Variants in MICAL2 observed in about 807,000 individuals in gnomAD.
MICAL2 encodes microtubule associated monooxygenase, calponin and LIM domain containing 2, also known as [F-actin]-monooxygenase MICAL2.
MICAL2 carries 77 observed loss-of-function variants against 127.3 expected under a neutral mutation model. The observed-to-expected ratio is 0.60, with a 90% CI of 0.50 to 0.73. MICAL2 has a LOEUF of 0.73. Among genes scored for constraint, MICAL2 ranks in the 30% least tolerant of loss-of-function variants. The pLI is 0.00. For missense variants in MICAL2, 1,351 were observed against 1,434.4 expected (o/e 0.94, Z 0.94); for synonymous variants, 570 against 551.1 (o/e 1.03, Z -0.48).
intron 27 of MICAL2, chr11:12,262,742 C>G (rs1863301456): frequency 1.8e-6 from 1 of 555,076 alleles, no homozygotes; most frequent in Non-Finnish European, 3.2e-6. Flanking sequence ...TCCCATGGAG[C>G]TGGCAGCCTG....
chr11:12,145,567 C>T (rs1455199924), intron 2 of MICAL2, among the ~76,000 whole-genome samples: 1 of 152,206 alleles, frequency 6.6e-6, no homozygotes, highest in Admixed American at 6.5e-5. Flanking sequence ...CCAGGAACCT[C>T]ATGATGGGGC....
chr11:12,337,159 A>G (rs1260899379), intron 32 of MICAL2, among the ~76,000 whole-genome samples: 1 of 152,098 alleles, frequency 6.6e-6, no homozygotes, highest in South Asian at 2.1e-4. Context: ...CAGAGATTCA[A>G]CTTCTTCCTG....
chr11:12,206,807 T>A (rs1854747022), intron 4 of MICAL2, among the ~76,000 whole-genome samples: 1 of 152,126 alleles, frequency 6.6e-6, no homozygotes, highest in Non-Finnish European at 1.5e-5. Flanking sequence ...TCATGCCAGA[T>A]CACAGCTTAT....
chr11:12,295,183 A>G (rs1168271268), downstream of MICAL2, among the ~76,000 whole-genome samples: 7 of 151,046 alleles, frequency 4.6e-5, no homozygotes, highest in East Asian at 9.8e-4. Context: ...TCTATCACCC[A>G]GGCTGGAGTG....
Position 12,222,734 on chromosome 11 carries a change from G to A in MICAL2, c.1440G>A (p.Arg480=), listed in dbSNP as rs758163870. ...RYPNLNSHCV[R]PHQVKHLYIT... ...CAAACCTCAACTCACACTGTGTCAG[G>A]CCCCATCAGGCAAGTCCATTGCTGG... The change falls in exon 11 of 28, where the codon AGG becomes AGA. Residue 480 remains arginine, a synonymous_variant. Coordinates refer to ENST00000683283, the MANE Select transcript of MICAL2 (RefSeq NM_001282663.2). The A allele has an allele frequency of 6.2e-7, 1 of 1,614,144 alleles. No homozygotes were observed.
intron 3 of MICAL2, among the ~76,000 whole-genome samples, chr11:12,180,148 C>T (rs914085914): frequency 8.6e-5 from 13 of 151,950 alleles, no homozygotes; most frequent in African/African-American, 2.7e-4. Flanking sequence ...TAGCAAAGAC[C>T]GTGACTACCT....
intron 4 of MICAL2, among the ~76,000 whole-genome samples, chr11:12,207,514 T>A (rs1279384597): frequency 6.6e-6 from 1 of 152,196 alleles, no homozygotes; most frequent in Non-Finnish European, 1.5e-5. Flanking sequence ...TGACCCAGCT[T>A]TGTGGGGAAA....
chr11:12,358,264 T>C (rs747125796), intron 34 of MICAL2: 2 of 1,606,704 alleles, frequency 1.2e-6, no homozygotes, highest in East Asian at 4.5e-5. Flanking sequence ...CAATCTTCTC[T>C]GAGCCCAGTG....
rs561822334 is a variant in MICAL2, at chr11:12,176,658, G to A, written c.264+14239G>A. ...CAATTCTCCCCTCCCCTCAGCCTTT[G>A]GCAACCACCATTCTTTCTGTCTCTA... On this transcript the variant is annotated intron_variant, in intron 3 of 27. Transcript: ENST00000683283. Among the ~76,000 whole-genome samples, 78 of 152,152 alleles carry A rather than the reference G, an allele frequency of 5.1e-4. No homozygotes were observed. The South Asian group carries it at 0.013, about 26-fold the overall frequency.
At chr11:12,289,385 G>T (rs939680201), downstream of MICAL2, among the ~76,000 whole-genome samples, 11 of 152,180 alleles carry the variant, frequency 7.2e-5, no homozygotes, top group Admixed American at 5.9e-4. Flanking sequence ...CTCAAGAGTT[G>T]GAGAAATCCT....
chr11:12,140,575 A>G (rs1211319127), intron 2 of MICAL2, among the ~76,000 whole-genome samples: 1 of 151,820 alleles, frequency 6.6e-6, no homozygotes, highest in African/African-American at 2.4e-5. Flanking sequence ...ACCCTGTGGA[A>G]TATTTGAGTT....
At position 12,110,765 on chromosome 11, in the gene MICAL2, C is replaced by T. The variant is rs1212033850; in HGVS notation, c.-149+39C>T. On this transcript the variant is annotated intron_variant, in intron 1 of 27. Coordinates refer to ENST00000683283, the MANE Select transcript of MICAL2 (RefSeq NM_001282663.2). The surrounding 1 kb of genome is among the most constrained non-coding windows in gnomAD (Gnocchi z 4.5). Reference sequence around the variant, plus strand: ...GGCGCTGGCCTCAGGGTGGGGAGGGCGGGCGGGCGCGGGTGGGGACCGTGC... The same window carrying T: ...GGCGCTGGCCTCAGGGTGGGGAGGGTGGGCGGGCGCGGGTGGGGACCGTGC... 4.3e-5 allele frequency: 3 copies of T among 70,204 alleles called. No individual in the cohort carries two copies. The highest frequency in any genetic ancestry group is 9.4e-5 in the Non-Finnish European group (3 of 31,752). The allele number at this position is 70,204 out of a possible 1,614,324, so 4.3% of individuals were successfully genotyped here.
In MICAL2 at chr11:12,137,583, G is replaced by A. The variant is rs140359401; in HGVS notation, c.-148-807G>A. On this transcript the variant is annotated intron_variant, in intron 1 of 27. Transcript: ENST00000683283. ...CTCTAACAATGTGTGCTCTTTGTGT[G>A]CTAGAGAGAGAGAGTGTGTGTGTGT... 2.1e-3 allele frequency among the ~76,000 whole-genome samples: 313 copies of A among 152,202 alleles called. 2 individuals carry two copies. Among genetic ancestry groups the A allele is most frequent in the Middle Eastern group, 0.014 (4 of 294 alleles).
At chr11:12,161,826 G>C (rs1224893929) in intron 2 of MICAL2, 1 of 384,912 alleles carries the variant, frequency 2.6e-6, no homozygotes, top group Non-Finnish European at 4.8e-6. Context: ...GCATAGCCCT[G>C]TGCAATCTGT....
At chr11:12,257,991 G>A (rs192637913) in intron 24 of MICAL2, among the ~76,000 whole-genome samples, 13 of 152,288 alleles carry the variant, frequency 8.5e-5, no homozygotes, top group Middle Eastern at 3.4e-3. Flanking sequence ...GTTCATACTC[G>A]AAGCTGTCCA....
intron 2 of MICAL2, among the ~76,000 whole-genome samples, chr11:12,148,383 G>A (rs557002738): frequency 6.6e-6 from 1 of 152,284 alleles, no homozygotes; most frequent in East Asian, 1.9e-4. Context: ...CATGATGGGT[G>A]GGAGCCCGCT....
At chr11:12,295,793 C>A (rs557588579), downstream of MICAL2, among the ~76,000 whole-genome samples, 16 of 151,992 alleles carry the variant, frequency 1.1e-4, no homozygotes, top group Non-Finnish European at 1.8e-4. Context: ...AATATCCTGT[C>A]TGGTGGGTAT....
intron 1 of MICAL2, among the ~76,000 whole-genome samples, chr11:12,114,783 G>A (rs1208537123): frequency 1.3e-5 from 2 of 152,132 alleles, no homozygotes; most frequent in East Asian, 3.9e-4. Flanking sequence ...AGCACGCGTC[G>A]GTCTGTAAAC....
chr11:12,269,013 A>G lies in MICAL2; in HGVS notation c.3335-6973A>G, dbSNP rs566126738. On this transcript the variant is annotated intron_variant, in intron 24 of 34. Coordinates refer to the MICAL2 transcript ENST00000646065. ...ACTCCGTCTCAAAGGAAAAAAAAAA[A>G]TAAGAGTCCAACTCTTCCATTTGTA... is the stretch of plus-strand genomic sequence containing the variant. 9.9e-4 allele frequency among the ~76,000 whole-genome samples: 151 copies of G among 152,200 alleles called. 1 individual carries two copies. Among genetic ancestry groups the G allele is most frequent in the African/African-American group, 3.3e-3 (137 of 41,526 alleles).
Sources: allele counts gnomAD v4.1 joint callset (sites outside exome capture counted in the v4.1 genomes callset), GRCh38; gene constraint gnomAD v4.1.1; non-coding constraint Gnocchi (gnomAD v3.1); transcripts MANE v1.5; gene names NCBI Gene and HGNC (gene_info 2026-07-23, HGNC 2026-07-21).